TRIP4: variants seen among roughly 807,000 people sequenced by gnomAD.
The protein encoded by TRIP4 is activating signal cointegrator 1.
TRIP4 carries 54 observed loss-of-function variants against 81.8 expected under a neutral mutation model. That is an observed-to-expected ratio of 0.66 (90% CI 0.53 to 0.83). The LOEUF is 0.83. Among genes scored for constraint, TRIP4 ranks in the 40% least tolerant of loss-of-function variants. The pLI is 0.00. For missense variants in TRIP4, 662 were observed against 683.6 expected (o/e 0.97, Z 0.35); for synonymous variants, 270 against 242.8 (o/e 1.11, Z -1.04).
At chr15:64,454,211 G>A (rs979999931) in intron 12 of TRIP4, among the ~76,000 whole-genome samples, 1 of 150,842 alleles carries the variant, frequency 6.6e-6, no homozygotes, top group African/African-American at 2.4e-5. Flanking sequence ...ACTTAGATGA[G>A]ACTTTTTGTG....
chr15:64,403,083 C>T (rs987629844), intron 5 of TRIP4, among the ~76,000 whole-genome samples: 5 of 151,082 alleles, frequency 3.3e-5, no homozygotes, highest in Non-Finnish European at 5.9e-5. Context: ...AAGATGGTCT[C>T]GATCTCCTGA....
rs375004645 is a variant in TRIP4, at chr15:64,424,059, C to A, written c.1387C>A (p.His463Asn). Residue 463 changes from histidine to asparagine, a missense_variant, in exon 10 of 13, where the codon CAC becomes AAC. Transcript: ENST00000261884. Reference sequence around the variant, plus strand: ...GGAGGGCAGATCCTGGTACACCCCCCACAGAGGACGACTTTGGATAGCAGC... The same window carrying A: ...GGAGGGCAGATCCTGGTACACCCCCAACAGAGGACGACTTTGGATAGCAGC... ...RVEGRSWYTP[H>N]RGRLWIAATA... The A allele has an allele frequency of 1.9e-4, 309 of 1,614,080 alleles. 2 individuals carry two copies. The South Asian group carries it at 3.0e-3, about 16-fold the overall frequency.
chr15:64,405,348 G>C (rs1891600442), intron 5 of TRIP4, among the ~76,000 whole-genome samples: 1 of 151,650 alleles, frequency 6.6e-6, no homozygotes, highest in South Asian at 2.1e-4. Flanking sequence ...TGGAGACAGG[G>C]TTTCACCATG....
intron 11 of TRIP4, among the ~76,000 whole-genome samples, chr15:64,435,132 C>G (rs1484725002): frequency 7.1e-6 from 1 of 139,998 alleles, no homozygotes; most frequent in Non-Finnish European, 1.5e-5. Context: ...GGGAGGATCC[C>G]TTGAGCCGGG....
chr15:64,391,970 CA>C (rs35193532), intron 1 of TRIP4, among the ~76,000 whole-genome samples: 3,323 of 23,246 alleles, frequency 0.14, 14 homozygotes, highest in South Asian at 0.16. Flanking sequence ...GACTCTGTCT[CA>C]AAAAAAAAAA....
chr15:64,399,917 G>C (rs1274374412), intron 4 of TRIP4, among the ~76,000 whole-genome samples: 4 of 150,994 alleles, frequency 2.6e-5, no homozygotes, highest in Non-Finnish European at 5.9e-5. Context: ...GGAGGTTGCA[G>C]TGAGCAGAGA....
Position 64,431,849 on chromosome 15 carries a change from T to TATATA in TRIP4, c.1575+6218_1575+6219insATATA, listed in dbSNP as rs1566981702. 8.6e-5 allele frequency among the ~76,000 whole-genome samples: 7 copies of TATATA among 81,418 alleles called. No homozygotes were observed. The East Asian group carries it at 1.8e-3, about 21-fold the overall frequency. The allele number at this position is 81,418 out of a possible 152,430, so 53.4% of individuals were successfully genotyped here. On this transcript the variant is annotated intron_variant, in intron 11 of 12. Coordinates refer to ENST00000261884, the MANE Select transcript of TRIP4 (RefSeq NM_016213.5). ...ATTTATATTATATATATATATATAT[T>TATATA]TTTTTTATCCAAAGAGCATTGTGTT...
At chr15:64,388,063 GT>G in intron 1 of TRIP4, 99 bp downstream of exon 1, 1 of 1,431,350 alleles carries the variant, frequency 7.0e-7, no homozygotes, top group Non-Finnish European at 9.2e-7. Context: ...AGAGAGAAAT[GT>G]GATAAAGGGG....
rs568667847 is a variant in TRIP4, at chr15:64,436,862, C to T, written c.1576-8144C>T. ...GATCTCGGCTGCAGGTTGTGTGCCA[C>T]CACACCCAGCTAATTTTTGTATTTT... On this transcript the variant is annotated intron_variant, in intron 11 of 12. Coordinates refer to ENST00000261884, the MANE Select transcript of TRIP4 (RefSeq NM_016213.5). 3.6e-5 allele frequency among the ~76,000 whole-genome samples: 5 copies of T among 138,838 alleles called. No homozygotes were observed. The South Asian group carries it at 7.0e-4, about 19-fold the overall frequency. The allele number at this position is 138,838 out of a possible 152,430, so 91.1% of individuals were successfully genotyped here.
At chr15:64,398,293 C>A (rs1486674767) in intron 4 of TRIP4, among the ~76,000 whole-genome samples, 2 of 151,686 alleles carry the variant, frequency 1.3e-5, no homozygotes, top group Admixed American at 1.3e-4. Flanking sequence ...TTAGGCCAGG[C>A]ACAGTGGCAC....
chr15:64,398,163 A>G (rs1900349189), intron 4 of TRIP4, among the ~76,000 whole-genome samples: 1 of 152,120 alleles, frequency 6.6e-6, no homozygotes, highest in Admixed American at 6.5e-5. Flanking sequence ...GGCCTCTCAA[A>G]GTTCTGGGAT....
chr15:64,388,314 A>T (rs1452209806), intron 1 of TRIP4, among the ~76,000 whole-genome samples: 1 of 151,900 alleles, frequency 6.6e-6, no homozygotes, highest in Non-Finnish European at 1.5e-5. Context: ...ATTTATTATT[A>T]TTGTTGTTAT....
In TRIP4 at chr15:64,393,520, C is replaced by T. The variant is rs545547181; in HGVS notation, c.102-426C>T. ...TTCTCTTGTAATGATAAGATGTTCA[C>T]TGTAGAAAACTAAAAAAATCAGAAA... On this transcript the variant is annotated intron_variant, in intron 1 of 12. Transcript: ENST00000261884. The T allele has an allele frequency of 2.0e-5, 3 of 152,028 alleles. No individual in the cohort carries two copies. The South Asian group carries it at 6.2e-4, about 32-fold the overall frequency. The allele number at this position is 152,028 out of a possible 1,614,324, so 9.4% of individuals were successfully genotyped here.
chr15:64,432,075 CAG>C (rs1317159155), intron 11 of TRIP4, among the ~76,000 whole-genome samples: 3 of 150,316 alleles, frequency 2.0e-5, no homozygotes, highest in Non-Finnish European at 4.4e-5. Context: ...TTAGTAGAGA[CAG>C]GGTTTCACCA....
At chr15:64,415,102 A>G (rs1460938364) in intron 8 of TRIP4, among the ~76,000 whole-genome samples, 1 of 152,108 alleles carries the variant, frequency 6.6e-6, no homozygotes, top group East Asian at 1.9e-4. Flanking sequence ...CTCAAAAAAA[A>G]AAAAGCAAAT....
At chr15:64,436,547 C>T (rs1033360181) in intron 11 of TRIP4, among the ~76,000 whole-genome samples, 5 of 151,158 alleles carry the variant, frequency 3.3e-5, no homozygotes, top group Middle Eastern at 3.4e-3. Flanking sequence ...GCTGAGATCG[C>T]GCTACTGCAC....
At chr15:64,426,791 G>A (rs1892157802) in intron 11 of TRIP4, among the ~76,000 whole-genome samples, 1 of 151,434 alleles carries the variant, frequency 6.6e-6, no homozygotes, top group African/African-American at 2.4e-5. Flanking sequence ...ATGAGGTCAG[G>A]AGATCAAGAC....
At chr15:64,435,004 C>A (rs1466527) in intron 11 of TRIP4, among the ~76,000 whole-genome samples, 12 of 149,938 alleles carry the variant, frequency 8.0e-5, no homozygotes, top group African/African-American at 3.0e-4. Context: ...TCACTTGAGC[C>A]CAGGAGTTCG....
At chr15:64,427,970 C>A (rs62022715) in intron 11 of TRIP4, among the ~76,000 whole-genome samples, 3 of 150,868 alleles carry the variant, frequency 2.0e-5, no homozygotes, top group African/African-American at 7.3e-5. Context: ...TTTTTTCCCC[C>A]AGTCTAGAAG....
Sources: allele counts gnomAD v4.1 joint callset (sites outside exome capture counted in the v4.1 genomes callset), GRCh38; gene constraint gnomAD v4.1.1; transcripts MANE v1.5; gene names NCBI Gene and HGNC (gene_info 2026-07-23, HGNC 2026-07-21).